Variants in POR observed in about 807,000 individuals in gnomAD.
POR encodes the protein NADPH--cytochrome P450 reductase.
Under a neutral mutation model 84.0 loss-of-function variants are expected in POR, and 56 were observed. The ratio of observed to expected loss-of-function variants is 0.67; its 90% CI spans 0.54 to 0.83. POR has a LOEUF of 0.83. Ranked by LOEUF, POR falls within the 40% of genes least tolerant of loss-of-function variation. The pLI is 0.00. For synonymous variants in POR, 414 were observed against 400.5 expected (o/e 1.03, Z -0.40); for missense variants, 938 against 944.3 (o/e 0.99, Z 0.09).
chr7:75,961,645 G>A (rs939349570), intron 2 of POR, among the ~76,000 whole-genome samples: 11 of 152,094 alleles, frequency 7.2e-5, no homozygotes, highest in African/African-American at 9.7e-5. Context: ...GCCCCCCACC[G>A]CCGCACCAGT....
At position 75,986,483 on chromosome 7, in the gene POR, G is replaced by C; in HGVS notation, c.*2G>C. The C allele has an allele frequency of 6.2e-7, 1 of 1,607,218 alleles. No individual in the cohort carries two copies. On this transcript the variant is annotated 3_prime_UTR_variant, in exon 16 of 16. Coordinates refer to ENST00000461988, the MANE Select transcript of POR (RefSeq NM_000941.3). The stretch of plus-strand genomic sequence containing the variant: ...TACTCCCTGGACGTGTGGAGCTAGG[G>C]GCCTGCCTGCCCCACCCACCCCACA...
chr7:75,980,840 G>C (rs1043429819), intron 5 of POR: 1 of 1,133,176 alleles, frequency 8.8e-7, no homozygotes, highest in South Asian at 1.6e-5. Context: ...GGCAGTGGAC[G>C]GGGCAGGCTG....
intron 1 of POR, among the ~76,000 whole-genome samples, chr7:75,930,770 C>A (rs372125127): frequency 5.3e-5 from 8 of 152,102 alleles, no homozygotes; most frequent in Non-Finnish European, 1.2e-4. Context: ...GATCCGCCCA[C>A]CTCGACCTCC....
intron 1 of POR, among the ~76,000 whole-genome samples, chr7:75,949,208 G>C (rs1787309878): frequency 6.6e-6 from 1 of 152,056 alleles, no homozygotes; most frequent in South Asian, 2.1e-4. Flanking sequence ...AGGCTGGAGT[G>C]CAGTGGCGTG....
intron 2 of POR, chr7:75,968,034 C>T (rs1208807735): frequency 3.5e-5 from 16 of 454,708 alleles, no homozygotes; most frequent in Admixed American, 1.2e-4. Context: ...CAGGAGAGAG[C>T]TGTGACCCTC....
intron 1 of POR, among the ~76,000 whole-genome samples, chr7:75,934,284 A>T (rs540087199): frequency 6.6e-6 from 1 of 152,094 alleles, no homozygotes; most frequent in South Asian, 2.1e-4. Context: ...TAATTCCCTT[A>T]TAACAAGATC....
rs1789491729 is a variant in POR at position 75,986,612 on chromosome 7, G to A, written c.*131G>A. On this transcript the variant is annotated 3_prime_UTR_variant, in exon 16 of 16. Coordinates refer to ENST00000461988, the MANE Select transcript of POR (RefSeq NM_000941.3). ...CAGGCCCAGTGACAAAGACTCCTCT[G>A]GGCCTGGGGTGCATCCTCCTCAGCC... is the stretch of plus-strand genomic sequence containing the variant. 1.7e-6 allele frequency: 2 copies of A among 1,202,128 alleles called. No homozygotes were observed. The highest frequency in any genetic ancestry group is 4.6e-5 in the Admixed American group (2 of 43,372). 74.5% of individuals were successfully genotyped at this position (1,202,128 alleles called of 1,614,324 possible).
chr7:75,953,259 G>A (rs1474778539), intron 1 of POR, among the ~76,000 whole-genome samples: 4 of 143,202 alleles, frequency 2.8e-5, no homozygotes, highest in African/African-American at 7.7e-5. Flanking sequence ...AGTGAGCCGA[G>A]ATGGCAGCAG....
Position 75,922,320 on chromosome 7 carries a change from T to G in POR, c.-5+7141T>G, listed in dbSNP as rs797042508. 4.9e-5 allele frequency among the ~76,000 whole-genome samples: 6 copies of G among 123,266 alleles called. 1 individual carries two copies. The highest frequency in any genetic ancestry group is 4.6e-4 in the East Asian group (2 of 4,378). The allele number at this position is 123,266 out of a possible 152,430, so 80.9% of individuals were successfully genotyped here. ...TGTCAAAATTGGGTCTGATCTGTAGTTTTTTTTTTTTTTTTTTTTGAGACA... is the reference window on the plus strand; with the variant it reads ...TGTCAAAATTGGGTCTGATCTGTAGGTTTTTTTTTTTTTTTTTTTGAGACA... On this transcript the variant is annotated intron_variant, in intron 1 of 15. Coordinates refer to ENST00000461988, the MANE Select transcript of POR (RefSeq NM_000941.3).
rs543671247 is a variant in POR at position 75,950,888 on chromosome 7, T to C, written c.-4-3101T>C. ...GCCTGACCAACATGGTGAAACTCCATCTCTACTAAAAATACAGAAAATTAG... is the reference window on the plus strand; with the variant it reads ...GCCTGACCAACATGGTGAAACTCCACCTCTACTAAAAATACAGAAAATTAG... On this transcript the variant is annotated intron_variant, in intron 1 of 15. Transcript: ENST00000461988. 1.2e-3 allele frequency among the ~76,000 whole-genome samples: 175 copies of C among 150,504 alleles called. 1 individual carries two copies. Among genetic ancestry groups the C allele is most frequent in the African/African-American group, 4.2e-3 (171 of 40,826 alleles).
intron 8 of POR, among the ~76,000 whole-genome samples, chr7:75,983,162 G>A (rs2116610023): frequency 6.6e-6 from 1 of 152,308 alleles, no homozygotes; most frequent in East Asian, 1.9e-4. Flanking sequence ...CCAACATGGT[G>A]AAACCCCGTC....
In POR at chr7:75,986,241, G is replaced by GGTGA. The variant is rs782708898; in HGVS notation, c.1898+8_1898+11dup. ...GGCGGTGCCCACATCTACGTCTGTG[G>GGTGA]GTGAGTGAGTGGGGTCACTGGAATA... On this transcript the variant is annotated stop_gained and frameshift_variant and splice_region_variant. Coordinates refer to ENST00000461988, the MANE Select transcript of POR (RefSeq NM_000941.3). LOFTEE classifies it high-confidence loss of function. 2 of 1,612,674 alleles carry GGTGA rather than the reference G, an allele frequency of 1.2e-6. No individual in the cohort carries two copies. The highest frequency in any genetic ancestry group is 1.3e-5 in the African/African-American group (1 of 75,048).
chr7:75,986,502 C>T lies in POR; in HGVS notation c.*21C>T, dbSNP rs782245884. 1.9e-6 allele frequency: 3 copies of T among 1,602,716 alleles called. No individual in the cohort carries two copies. In the South Asian group the frequency reaches 3.3e-5, roughly 18 times the overall value. ...GCTAGGGGCCTGCCTGCCCCACCCACCCCACAGACTCCGGCCTGTAATCAG... is the reference window on the plus strand; with the variant it reads ...GCTAGGGGCCTGCCTGCCCCACCCATCCCACAGACTCCGGCCTGTAATCAG... On this transcript the variant is annotated 3_prime_UTR_variant, in exon 16 of 16. Coordinates refer to ENST00000461988, the MANE Select transcript of POR (RefSeq NM_000941.3).
intron 3 of POR, among the ~76,000 whole-genome samples, chr7:75,976,588 A>C (rs1204330178): frequency 5.3e-5 from 8 of 151,984 alleles, no homozygotes; most frequent in Non-Finnish European, 1.0e-4. Flanking sequence ...TCTACTAAAA[A>C]CACAAAAAAT....
At chr7:75,979,281 G>A (rs1788869766) in intron 3 of POR, among the ~76,000 whole-genome samples, 170 bp from the exon 4 acceptor site, 1 of 152,196 alleles carries the variant, frequency 6.6e-6, no homozygotes. Flanking sequence ...TTGCCACAGT[G>A]GCTGTGACAG....
At chr7:75,981,322 C>T in intron 6 of POR, 150 bp downstream of exon 6, 1 of 1,339,024 alleles carries the variant, frequency 7.5e-7, no homozygotes, top group Non-Finnish European at 1.0e-6. Context: ...TCTGCCCTGC[C>T]CCTGCCAGTT....
At chr7:75,939,771 C>T (rs1807877356) in intron 1 of POR, among the ~76,000 whole-genome samples, 1 of 151,860 alleles carries the variant, frequency 6.6e-6, no homozygotes, top group Non-Finnish European at 1.5e-5. Context: ...CCATACTTGG[C>T]TAATTTTTGT....
intron 1 of POR, among the ~76,000 whole-genome samples, chr7:75,953,564 G>A (rs1280871378): frequency 6.6e-6 from 1 of 152,110 alleles, no homozygotes; most frequent in African/African-American, 2.4e-5. Flanking sequence ...GGCAACCCCC[G>A]CCAGCCACAC....
At chr7:75,946,163 C>CTCTG (rs145603877) in intron 1 of POR, among the ~76,000 whole-genome samples, 11,828 of 152,018 alleles carry the variant, frequency 0.078, 1,435 homozygotes, top group African/African-American at 0.26. Context: ...TTTTACCCTT[C>CTCTG]TCTGTATGTT....
Sources: gnomAD v4.1 joint callset for allele counts (sites outside exome capture counted in the v4.1 genomes callset) on GRCh38, gnomAD v4.1.1 for gene constraint, MANE v1.5 for transcripts, NCBI Gene and HGNC (gene_info 2026-07-23, HGNC 2026-07-21) for gene names.